GSTM5: variants seen among roughly 807,000 people sequenced by gnomAD.
GSTM5 encodes the protein glutathione S-transferase mu 5, also known as GST class-mu 5.
In GSTM5, 24 loss-of-function variants were observed where a neutral mutation model predicts 29.0. That is an observed-to-expected ratio of 0.83 (90% CI 0.60 to 1.16). The LOEUF (loss-of-function observed/expected upper bound fraction) is 1.16. Ranked by LOEUF, GSTM5 falls within the 50% of genes most tolerant of loss-of-function variation. The pLI, the probability that GSTM5 is intolerant of heterozygous loss-of-function variation, is 0.00. For synonymous variants in GSTM5, 91 were observed against 93.6 expected, an observed-to-expected ratio of 0.97 and a Z score of 0.16; for missense variants, 290 against 263.0, an observed-to-expected ratio of 1.10 and a Z score of -0.71.
At position 109,717,468 on chromosome 1, in the gene GSTM5, G is replaced by C; in HGVS notation, c.*42G>C. On this transcript the variant is annotated 3_prime_UTR_variant, in exon 8 of 8. Transcript: ENST00000256593. ...AAGATGGGAGGGAGGAGCCAACCTT[G>C]CTGCCTGCGACCCTGGAGGACAGCC... The C allele has an allele frequency of 7.1e-7, 1 of 1,402,782 alleles. No homozygotes were observed. Among genetic ancestry groups the C allele is most frequent in the Non-Finnish European group, 1.0e-6 (1 of 987,264 alleles). 86.9% of individuals were successfully genotyped at this position (1,402,782 alleles called of 1,614,324 possible).
In GSTM5 at chr1:109,712,360, T is replaced by A; in HGVS notation, c.36+12T>A. ...GGGACATCCGTGGGGTAAGCGAGGG[T>A]CCTCTGGTGGGTGGGACAGGGGGCG... On this transcript the variant is annotated intron_variant, in intron 1 of 7. Coordinates refer to ENST00000256593, the MANE Select transcript of GSTM5 (RefSeq NM_000851.4). 6.2e-7 allele frequency: 1 copy of A among 1,612,972 alleles called. No homozygotes were observed. Among genetic ancestry groups the A allele is most frequent in the Non-Finnish European group, 8.5e-7 (1 of 1,179,198 alleles).
intron 4 of GSTM5, 38 bp from the exon 5 acceptor site, chr1:109,713,623 G>A: frequency 6.2e-7 from 1 of 1,614,192 alleles, no homozygotes; most frequent in South Asian, 1.1e-5. Flanking sequence ...TGGCTGGGCT[G>A]TGATGCTGAG....
At position 109,713,121 on chromosome 1, in the gene GSTM5, CCTGA is replaced by C; in HGVS notation, c.118_121del (p.Asp40MetfsTer7). On this transcript the variant is annotated frameshift_variant, in exon 3 of 8. Coordinates refer to ENST00000256593, the MANE Select transcript of GSTM5 (RefSeq NM_000851.4). LOFTEE classifies it high-confidence loss of function. ...TTTTCACTTCTTCCCCACCACAGCT[CCTGA>C]CTATGACAGAAGCCAGTGGCTGAAT... 3 of 1,612,512 alleles carry C rather than the reference CCTGA, an allele frequency of 1.9e-6. No individual in the cohort carries two copies. Among genetic ancestry groups the C allele is most frequent in the Non-Finnish European group, 2.5e-6 (3 of 1,179,856 alleles).
chr1:109,714,845 C>A, intron 5 of GSTM5, 102 bp from the exon 6 acceptor site: 1 of 1,081,302 alleles, frequency 9.2e-7, no homozygotes, highest in Non-Finnish European at 1.4e-6. Context: ...GGGAAGATGG[C>A]TGCTTGCCTG....
At chr1:109,713,268 G>C in intron 3 of GSTM5, 85 bp downstream of exon 3, 2 of 1,593,692 alleles carry the variant, frequency 1.3e-6, no homozygotes, top group South Asian at 2.2e-5. Context: ...GAGGTGTTAA[G>C]ATCAGGAGTC....
At chr1:109,714,708 AG>A in intron 5 of GSTM5, 1 of 575,156 alleles carries the variant, frequency 1.7e-6, no homozygotes, top group South Asian at 2.1e-5. Flanking sequence ...TTGGGAGGCC[AG>A]TGAGGACAGA....
chr1:109,714,887 A>T, intron 5 of GSTM5, 60 bp from the exon 6 acceptor site: 1 of 1,543,210 alleles, frequency 6.5e-7, no homozygotes, highest in Non-Finnish European at 9.0e-7. Flanking sequence ...AGCCCTGGGG[A>T]GGCCACGTCT....
intron 5 of GSTM5, chr1:109,714,494 C>G (rs1648677133): frequency 1.0e-5 from 2 of 191,734 alleles, no homozygotes; most frequent in South Asian, 2.1e-4. Flanking sequence ...GGCCTTTATT[C>G]CTCTCCCTCC....
rs564810916 is a variant in GSTM5 at position 109,717,593 on chromosome 1, G to T, written c.*167G>T. 160 of 568,954 alleles carry T rather than the reference G, an allele frequency of 2.8e-4. No individual in the cohort carries two copies. The highest frequency in any genetic ancestry group is 4.2e-4 in the Non-Finnish European group (132 of 314,448). 35.2% of individuals were successfully genotyped at this position (568,954 alleles called of 1,614,324 possible). On this transcript the variant is annotated 3_prime_UTR_variant, in exon 8 of 8. Coordinates refer to ENST00000256593, the MANE Select transcript of GSTM5 (RefSeq NM_000851.4). ...CTTTCTTCTAACATCATCCCTCCCCGCATCGAGGCTCTTTAAAGCTTCAGC... is the reference window on the plus strand; with the variant it reads ...CTTTCTTCTAACATCATCCCTCCCCTCATCGAGGCTCTTTAAAGCTTCAGC...
chr1:109,712,301 C>G lies in GSTM5; in HGVS notation c.-12C>G, dbSNP rs1369681287. On this transcript the variant is annotated 5_prime_UTR_variant, in exon 1 of 8. Transcript: ENST00000256593. ...CTGATGCCTGTCTGCAGAATCCGCA[C>G]CAACCAGCACCATGCCCATGACTCT... The G allele has an allele frequency of 6.2e-7, 1 of 1,613,984 alleles. No homozygotes were observed. The highest frequency in any genetic ancestry group is 8.5e-7 in the Non-Finnish European group (1 of 1,179,956).
chr1:109,714,569 A>C (rs1350043393), intron 5 of GSTM5: 1 of 249,930 alleles, frequency 4.0e-6, no homozygotes, highest in African/African-American at 2.2e-5. Flanking sequence ...TTCTTCTGTC[A>C]CCCCATTAGA....
chr1:109,716,953 G>A lies in GSTM5; in HGVS notation c.568-384G>A, dbSNP rs12130907. The A allele has an allele frequency of 4.1e-3, 678 of 164,600 alleles. 3 individuals carry two copies. Among genetic ancestry groups the A allele is most frequent in the Non-Finnish European group, 4.9e-3 (372 of 75,760 alleles). The allele number at this position is 164,600 out of a possible 1,614,324, so 10.2% of individuals were successfully genotyped here. A position where few individuals can be genotyped will look rare whatever the true frequency, so the allele number is the denominator to read the frequency against. On this transcript the variant is annotated intron_variant, in intron 7 of 7. Transcript: ENST00000256593. ...CAGAACCAGGCTATATTCCAGCCCT[G>A]TCCCACTTACTAGCTATTTGAGTGT...
In GSTM5 at chr1:109,715,122, T is replaced by C. The variant is rs1648698290; in HGVS notation, c.457-8T>C. 1.2e-6 allele frequency: 2 copies of C among 1,614,088 alleles called. No individual in the cohort carries two copies. Among genetic ancestry groups the C allele is most frequent in the African/African-American group, 2.7e-5 (2 of 74,952 alleles). On this transcript the variant is annotated splice_polypyrimidine_tract_variant and splice_region_variant and intron_variant, in intron 6 of 7. Transcript: ENST00000256593. ...GTTTTCAGCCCACACATTCTTGGCCTTCTTCAGATCACCTTTGTGGATTTC... is the reference window on the plus strand; with the variant it reads ...GTTTTCAGCCCACACATTCTTGGCCCTCTTCAGATCACCTTTGTGGATTTC...
rs2101310054 is a variant in GSTM5 at position 109,712,321 on chromosome 1, G to T, written c.9G>T (p.Met3Ile). 1 of 1,614,118 alleles carries T rather than the reference G, an allele frequency of 6.2e-7. No individual in the cohort carries two copies. The highest frequency in any genetic ancestry group is 2.2e-5 in the East Asian group (1 of 44,868). MP[M>I]TLGYWDIRGL... ...CCGCACCAACCAGCACCATGCCCATGACTCTGGGGTACTGGGACATCCGTG... is the reference window on the plus strand; with the variant it reads ...CCGCACCAACCAGCACCATGCCCATTACTCTGGGGTACTGGGACATCCGTG... Residue 3 changes from methionine to isoleucine, a missense_variant, in exon 1 of 8, where the codon ATG (methionine) becomes ATT (isoleucine). Physicochemically the swap from Met to Ile is conservative, Grantham distance 10. Transcript: ENST00000256593.
At chr1:109,715,105 C>A (rs1050438858) in intron 6 of GSTM5, 25 bp from the exon 7 acceptor site, 39 of 1,613,830 alleles carry the variant, frequency 2.4e-5, no homozygotes, top group Non-Finnish European at 3.2e-5. Flanking sequence ...GGGTTTTCAG[C>A]CCACACATTC....
chr1:109,712,524 G>C, intron 1 of GSTM5, 94 bp from the exon 2 acceptor site: 2 of 1,450,536 alleles, frequency 1.4e-6, no homozygotes. Context: ...CGACGGGTAC[G>C]TGCAGTATAG....
chr1:109,715,453 G>C (rs1354150309), intron 7 of GSTM5: 2 of 1,527,200 alleles, frequency 1.3e-6, no homozygotes, highest in Non-Finnish European at 1.8e-6. Context: ...GCCCATTTTA[G>C]AGATAAGAAA....
Position 109,717,496 on chromosome 1 carries a change from A to C in GSTM5, c.*70A>C. 1 of 1,044,082 alleles carries C rather than the reference A, an allele frequency of 9.6e-7. No individual in the cohort carries two copies. The highest frequency in any genetic ancestry group is 1.5e-6 in the Non-Finnish European group (1 of 661,264). 64.7% of individuals were successfully genotyped at this position (1,044,082 alleles called of 1,614,324 possible). A position where few individuals can be genotyped will look rare whatever the true frequency, so the allele number is the denominator to read the frequency against. On this transcript the variant is annotated 3_prime_UTR_variant, in exon 8 of 8. Coordinates refer to ENST00000256593, the MANE Select transcript of GSTM5 (RefSeq NM_000851.4). ...GCCTGCGACCCTGGAGGACAGCCTGACTCCCTGGACCTGCCTTCTTCCTTT... is the reference window on the plus strand; with the variant it reads ...GCCTGCGACCCTGGAGGACAGCCTGCCTCCCTGGACCTGCCTTCTTCCTTT...
upstream of GSTM5, chr1:109,712,151 C>A: frequency 1.3e-6 from 1 of 780,150 alleles, no homozygotes; most frequent in South Asian, 1.4e-5. Context: ...TGATTCCAGC[C>A]CCGGGCGCTC....
Sources: gnomAD v4.1 joint callset for allele counts on GRCh38, gnomAD v4.1.1 for gene constraint, MANE v1.5 for transcripts, NCBI Gene and HGNC (gene_info 2026-07-23, HGNC 2026-07-21) for gene names.